Variants in A3GALT2 observed in about 807,000 individuals in gnomAD.
A3GALT2 encodes alpha 1,3-galactosyltransferase 2, also known as alpha-1,3-galactosyltransferase 2.
Under a neutral mutation model 16.6 loss-of-function variants are expected in A3GALT2, and 14 were observed. The ratio of observed to expected loss-of-function variants is 0.84; its 90% CI spans 0.56 to 1.32. The LOEUF is 1.32. A3GALT2 is among the 40% of genes most tolerant of loss of function. A3GALT2 has a pLI of 0.00. For missense variants in A3GALT2, 600 were observed against 490.9 expected, an observed-to-expected ratio of 1.22 and a Z score of -2.10; for synonymous variants, 253 against 218.0, an observed-to-expected ratio of 1.16 and a Z score of -1.42.
In A3GALT2 at chr1:33,306,783, G is replaced by C. The variant is rs765836419; in HGVS notation, c.1006C>G (p.Arg336Gly). The change falls in exon 5 of 5, where the codon CGG becomes GGG. Residue 336 changes from arginine to glycine, a missense_variant. Physicochemically the swap from Arg to Gly is moderately radical, Grantham distance 125. Coordinates refer to ENST00000442999, the MANE Select transcript of A3GALT2 (RefSeq NM_001080438.1). ...PRLLWAPKGY[R>G]LLRN ...CGGCGGCGCTAGTTCCGCAGCAGCC[G>C]GTACCCCTTGGGCGCCCACAGCAGT... 1 of 1,411,920 alleles carries C rather than the reference G, an allele frequency of 7.1e-7. No homozygotes were observed. Among genetic ancestry groups the C allele is most frequent in the Non-Finnish European group, 9.2e-7 (1 of 1,091,996 alleles). 87.5% of individuals were successfully genotyped at this position (1,411,920 alleles called of 1,614,324 possible). A position where few individuals can be genotyped will look rare whatever the true frequency, so the allele number is the denominator to read the frequency against.
chr1:33,308,001 C>G, intron 4 of A3GALT2, among the ~76,000 whole-genome samples: 1 of 4,710 alleles, frequency 2.1e-4, no homozygotes, highest in African/African-American at 1.5e-3. Flanking sequence ...TACCCCACCC[C>G]AACCTCACCC....
chr1:33,313,909 C>T (rs1451014177), intron 1 of A3GALT2, among the ~76,000 whole-genome samples: 1 of 152,122 alleles, frequency 6.6e-6, no homozygotes, highest in Non-Finnish European at 1.5e-5. Flanking sequence ...CAAGGCCTCT[C>T]ATGTTGCAAT....
rs750635551 is a variant in A3GALT2, at chr1:33,307,431, G to GCTCCAGGTACTT, written c.346_357dup (p.Lys116_Glu119dup). ...TGCTGCTCCGCCGTCTCCAGGAAGC[G>GCTCCAGGTACTT]CTCCAGGTACTTCTCCAGGTATCTA... On this transcript the variant is annotated inframe_insertion, in exon 5 of 5. Transcript: ENST00000442999. 81 of 1,533,614 alleles carry GCTCCAGGTACTT rather than the reference G, an allele frequency of 5.3e-5. No homozygotes were observed. Among genetic ancestry groups the GCTCCAGGTACTT allele is most frequent in the Middle Eastern group, 1.7e-4 (1 of 5,766 alleles).
Position 33,312,124 on chromosome 1 carries a change from T to C in A3GALT2, c.263A>G (p.Asp88Gly), listed in dbSNP as rs369633635. 15 of 1,613,438 alleles carry C rather than the reference T, an allele frequency of 9.3e-6. No individual in the cohort carries two copies. Among genetic ancestry groups the C allele is most frequent in the Admixed American group, 6.7e-5 (4 of 59,968 alleles). ...AGCCTCTTGCTTGGCCACATCTGGGTCGAAAGAGCCATCCCAAATAATGGG... is the reference window on the plus strand; with the variant it reads ...AGCCTCTTGCTTGGCCACATCTGGGCCGAAAGAGCCATCCCAAATAATGGG... ...GAPIIWDGSF[D>G]PDVAKQEARQ... Residue 88 changes from aspartate to glycine, a missense_variant, in exon 4 of 5, where the codon GAC becomes GGC. Coordinates refer to ENST00000442999, the MANE Select transcript of A3GALT2 (RefSeq NM_001080438.1).
At chr1:33,309,802 C>A (rs1415954915) in intron 4 of A3GALT2, among the ~76,000 whole-genome samples, 1 of 150,850 alleles carries the variant, frequency 6.6e-6, no homozygotes, top group East Asian at 2.0e-4. Flanking sequence ...CGGGAAGAGG[C>A]GCTCCTCACT....
chr1:33,307,447 C>T lies in A3GALT2; in HGVS notation c.342G>A (p.Leu114=), dbSNP rs769868969. The T allele has an allele frequency of 6.6e-7, 1 of 1,508,046 alleles. No individual in the cohort carries two copies. 93.4% of individuals were successfully genotyped at this position (1,508,046 alleles called of 1,614,324 possible). ...CCAGGAAGCGCTCCAGGTACTTCTC[C>T]AGGTATCTAAGGGCGCGGCGCCACC... The part of the protein sequence containing the change: ...GLTIFAVGRY[L]EKYLERFLET... Residue 114 remains leucine, a synonymous_variant, in exon 5 of 5, where the codon CTG becomes CTA. Coordinates refer to ENST00000442999, the MANE Select transcript of A3GALT2 (RefSeq NM_001080438.1).
In A3GALT2 at chr1:33,312,560, G is replaced by A. The variant is rs778981001; in HGVS notation, c.138C>T (p.Val46=). ...GCTGGGACATTGTGGCCGAAGGGCA[G>A]ACGCCCATGGGGATGAGGGCTTCCA... ...RHLEALIPMG[V]CPSATMSQLR... Residue 46 remains valine, a synonymous_variant, in exon 3 of 5, where the codon GTC becomes GTT. Transcript: ENST00000442999. 1.9e-6 allele frequency: 3 copies of A among 1,601,238 alleles called. No homozygotes were observed. The highest frequency in any genetic ancestry group is 1.8e-4 in the Middle Eastern group (1 of 5,684).
rs1445446097 is a variant in A3GALT2, at chr1:33,307,226, G to C, written c.563C>G (p.Pro188Arg). ...GAACATGAAGTGCGCCTCGCGGCCC[G>C]GCAGCCCGCCCAGCGCCGCGTGCAA... ...RTLHAALGGL[P>R]GREAHFMFCM... Residue 188 changes from proline to arginine, a missense_variant, in exon 5 of 5, where the codon CCG (proline) becomes CGG (arginine). By Grantham distance (103) the Pro-to-Arg change is moderately radical (BLOSUM62 -2). Transcript: ENST00000442999. 6 of 1,497,154 alleles carry C rather than the reference G, an allele frequency of 4.0e-6. No individual in the cohort carries two copies. Among genetic ancestry groups the C allele is most frequent in the Non-Finnish European group, 5.3e-6 (6 of 1,124,156 alleles). The allele number at this position is 1,497,154 out of a possible 1,614,324, so 92.7% of individuals were successfully genotyped here. A position where few individuals can be genotyped will look rare whatever the true frequency, so the allele number is the denominator to read the frequency against.
intron 1 of A3GALT2, 43 bp downstream of exon 1, chr1:33,321,033 G>A: frequency 6.2e-7 from 1 of 1,611,784 alleles, no homozygotes; most frequent in Non-Finnish European, 8.5e-7. Flanking sequence ...TAGCTCAGCT[G>A]TCCCCAAGCT....
At chr1:33,315,273 T>C (rs540573551) in intron 1 of A3GALT2, among the ~76,000 whole-genome samples, 54 of 152,052 alleles carry the variant, frequency 3.6e-4, no homozygotes, top group African/African-American at 1.2e-3. Flanking sequence ...TCCCAGCTAC[T>C]TGGGTGGCTG....
chr1:33,315,255 G>A (rs1185540123), intron 1 of A3GALT2, among the ~76,000 whole-genome samples: 1 of 152,098 alleles, frequency 6.6e-6, no homozygotes, highest in Non-Finnish European at 1.5e-5. Flanking sequence ...GGTGGCACGC[G>A]TCGGTAGTCC....
intron 1 of A3GALT2, among the ~76,000 whole-genome samples, chr1:33,316,012 T>C (rs148773585): frequency 1.1e-4 from 17 of 152,198 alleles, no homozygotes; most frequent in Middle Eastern, 3.4e-3. Context: ...AATGCTGTGA[T>C]TGGGAACAGT....
At position 33,307,306 on chromosome 1, in the gene A3GALT2, C is replaced by T. The variant is rs776140826; in HGVS notation, c.483G>A (p.Glu161=). The T allele has an allele frequency of 6.0e-6, 9 of 1,490,652 alleles. 1 individual carries two copies. The African/African-American group carries it at 1.2e-4, about 19-fold the overall frequency. The allele number at this position is 1,490,652 out of a possible 1,614,324, so 92.3% of individuals were successfully genotyped here. ...ALGPGRRLPV[E]RVARERRWQD... ...GCCAGCGCCGCTCGCGCGCCACGCG[C>T]TCCACGGGCAGCCGGCGTCCCGGGC... The change falls in exon 5 of 5, where the codon GAG becomes GAA. Residue 161 remains glutamate (E), a synonymous_variant. Transcript: ENST00000442999.
intron 2 of A3GALT2, 28 bp from the exon 3 acceptor site, chr1:33,312,618 G>T: frequency 6.5e-7 from 1 of 1,546,374 alleles, no homozygotes; most frequent in Non-Finnish European, 8.8e-7. Flanking sequence ...GCGGGGGGCA[G>T]GCAGCCGTGA....
At chr1:33,310,296 AGAGAGG>A (rs900584028) in intron 4 of A3GALT2, among the ~76,000 whole-genome samples, 64 of 151,860 alleles carry the variant, frequency 4.2e-4, no homozygotes, top group Non-Finnish European at 7.5e-4. Flanking sequence ...GACCGTGGAG[AGAGAGG>A]GAGAGGGAGA....
chr1:33,316,123 C>T (rs879305789), intron 1 of A3GALT2, among the ~76,000 whole-genome samples: 1 of 151,866 alleles, frequency 6.6e-6, no homozygotes, highest in Non-Finnish European at 1.5e-5. Context: ...TAAGGTAGGA[C>T]CTAAAAAATT....
At chr1:33,310,021 A>G (rs896969947) in intron 4 of A3GALT2, among the ~76,000 whole-genome samples, 4 of 152,260 alleles carry the variant, frequency 2.6e-5, no homozygotes, top group African/African-American at 9.6e-5. Flanking sequence ...AACATTGAGC[A>G]CTGAGTGAGC....
At position 33,320,526 on chromosome 1, in the gene A3GALT2, G is replaced by T. The variant is rs908618281; in HGVS notation, c.23+550C>A. On this transcript the variant is annotated intron_variant, in intron 1 of 4. Coordinates refer to ENST00000442999, the MANE Select transcript of A3GALT2 (RefSeq NM_001080438.1). The surrounding 1 kb of genome is among the most constrained non-coding windows in gnomAD (Gnocchi z 4.3). ...CCTATGCCCCAGCCTGGGAGCCCGT[G>T]GTCTGTGGAGGCCCCTGATCAGTCC... 6.6e-6 allele frequency among the ~76,000 whole-genome samples: 1 copy of T among 151,956 alleles called. No homozygotes were observed. The highest frequency in any genetic ancestry group is 2.4e-5 in the African/African-American group (1 of 41,432).
In A3GALT2 at chr1:33,312,152, C is replaced by T. The variant is rs563689069; in HGVS notation, c.235G>A (p.Ala79Thr). ...AAAGAGCCATCCCAAATAATGGGAG[C>T]CCCCCAGGGGGTACAGGTCAGAACT... ...PEVLTCTPWG[A>T]PIIWDGSFDP... Residue 79 changes from alanine (A) to threonine (T), a missense_variant, in exon 4 of 5, where the codon GCT (alanine) becomes ACT (threonine). Ala to Thr is a moderately conservative substitution (Grantham distance 58, BLOSUM62 0). Coordinates refer to ENST00000442999, the MANE Select transcript of A3GALT2 (RefSeq NM_001080438.1). 5.2e-5 allele frequency: 84 copies of T among 1,613,316 alleles called. No individual in the cohort carries two copies. The South Asian group carries it at 8.5e-4, about 16-fold the overall frequency.
Sources: gnomAD v4.1 joint callset for allele counts (sites outside exome capture counted in the v4.1 genomes callset) on GRCh38, gnomAD v4.1.1 for gene constraint, Gnocchi (gnomAD v3.1) non-coding constraint, MANE v1.5 for transcripts, NCBI Gene and HGNC (gene_info 2026-07-23, HGNC 2026-07-21) for gene names.